The following MTCL2 variants were observed in gnomAD, a reference collection of about 807,000 sequenced individuals.
The protein encoded by MTCL2 is microtubule cross-linking factor 2.
chr20:36,840,419 C>T, the MTCL2 span, among the ~76,000 whole-genome samples: 975 of 151,554 alleles, frequency 6.4e-3, 9 homozygotes, highest in African/African-American at 0.022. Flanking sequence ...CAGCCTGCCT[C>T]GGCCTCCCAA....
At chr20:36,810,717 CCTCTCTCTCTCTCTCT>C in the MTCL2 span, among the ~76,000 whole-genome samples, 2 of 94,194 alleles carry the variant, frequency 2.1e-5, no homozygotes, top group African/African-American at 8.1e-5. Context: ...TCTCTCTCTC[CCTCTCTCTCTCTCTCT>C]CTCTCTCTCT....
chr20:36,807,217 G>C, the MTCL2 span, among the ~76,000 whole-genome samples: 2 of 152,176 alleles, frequency 1.3e-5, no homozygotes, highest in African/African-American at 4.8e-5. Flanking sequence ...CGAGAATGAT[G>C]AGCCCCACTG....
the MTCL2 span, among the ~76,000 whole-genome samples, chr20:36,851,404 G>T: frequency 2.6e-5 from 4 of 152,146 alleles, no homozygotes; most frequent in African/African-American, 9.7e-5. Flanking sequence ...GCCCTGCCTG[G>T]CCTAAGCCCC....
the MTCL2 span, chr20:36,815,640 A>C: frequency 6.2e-7 from 1 of 1,606,294 alleles, no homozygotes; most frequent in Admixed American, 1.7e-5. This position sits in a 1 kb window ranked among gnomAD's most constrained non-coding sequence, Gnocchi z 5.3. Flanking sequence ...ACAGCGCTGG[A>C]GGTTGGAGAG....
chr20:36,862,618 G>T, the MTCL2 span: 1 of 1,462,536 alleles, frequency 6.8e-7, no homozygotes, highest in Non-Finnish European at 9.0e-7. Context: ...GTGACAGCCG[G>T]CGACCCCTGC....
the MTCL2 span, among the ~76,000 whole-genome samples, chr20:36,850,675 C>T: frequency 6.6e-6 from 1 of 152,244 alleles, no homozygotes; most frequent in Non-Finnish European, 1.5e-5. Context: ...ATGATGGTCA[C>T]TCTGCTCCCA....
chr20:36,784,825 T>G, the MTCL2 span: 2 of 985,358 alleles, frequency 2.0e-6, no homozygotes, highest in Admixed American at 1.2e-4. Context: ...GGCAGGCTGG[T>G]GAGAACCGAG....
At chr20:36,848,981 T>G in the MTCL2 span, among the ~76,000 whole-genome samples, 4 of 151,440 alleles carry the variant, frequency 2.6e-5, no homozygotes, top group African/African-American at 9.7e-5. Flanking sequence ...CACCAGAATT[T>G]ATGAGTTAAT....
At chr20:36,792,561 C>T in the MTCL2 span, among the ~76,000 whole-genome samples, 1 of 151,244 alleles carries the variant, frequency 6.6e-6, no homozygotes, top group Admixed American at 6.6e-5. Context: ...TGACAATTGG[C>T]TCCTGCAAGC....
the MTCL2 span, among the ~76,000 whole-genome samples, chr20:36,818,263 G>A: frequency 6.6e-6 from 1 of 152,220 alleles, no homozygotes; most frequent in African/African-American, 2.4e-5. Context: ...AATTCAGAAT[G>A]AATACTAATG....
the MTCL2 span, among the ~76,000 whole-genome samples, chr20:36,852,287 TGGGCCACTCGTCTCCTGCCCGGGCCC>T: frequency 0.034 from 5,195 of 152,202 alleles, 173 homozygotes; most frequent in South Asian, 0.15. Flanking sequence ...ACCCTGGCTC[TGGGCCACTCGTCTCCTGCCCGGGCCC>T]GGGCCACTCA....
At chr20:36,835,000 A>T in the MTCL2 span, among the ~76,000 whole-genome samples, 1 of 152,128 alleles carries the variant, frequency 6.6e-6, no homozygotes, top group Admixed American at 6.5e-5. Flanking sequence ...GCCTTAAAAA[A>T]AAAAAGAAAA....
At chr20:36,863,046 C>T in the MTCL2 span, 1 of 1,406,274 alleles carries the variant, frequency 7.1e-7, no homozygotes, top group South Asian at 1.4e-5. The surrounding 1 kb of genome is among the most constrained non-coding windows in gnomAD (Gnocchi z 6.2). Flanking sequence ...CGAGCGCGGA[C>T]GGCCCTTGGC....
the MTCL2 span, chr20:36,779,698 T>C: frequency 2.0e-5 from 3 of 151,244 alleles, no homozygotes; most frequent in Non-Finnish European, 2.9e-5. Flanking sequence ...AATATCAGAG[T>C]TGGGAAACCA....
the MTCL2 span, among the ~76,000 whole-genome samples, chr20:36,851,002 CG>C: frequency 9.2e-5 from 14 of 151,920 alleles, no homozygotes; most frequent in Non-Finnish European, 1.8e-4. Context: ...ACTCTGGAAA[CG>C]GCAAGGCTCT....
At chr20:36,803,257 C>G in the MTCL2 span, 2 of 1,143,740 alleles carry the variant, frequency 1.7e-6, no homozygotes, top group Non-Finnish European at 2.4e-6. Context: ...TAGTCCTCCC[C>G]ACTCAGAACT....
the MTCL2 span, chr20:36,804,699 G>A: frequency 3.7e-6 from 6 of 1,604,640 alleles, no homozygotes; most frequent in East Asian, 1.3e-4. Flanking sequence ...TTGGCTGAGA[G>A]TAAGGGGAGA....
At chr20:36,811,507 T>C in the MTCL2 span, among the ~76,000 whole-genome samples, 1 of 151,990 alleles carries the variant, frequency 6.6e-6, no homozygotes. Context: ...CGCACGCCTA[T>C]AGTCCCACCT....
At chr20:36,828,453 CAGG>C in the MTCL2 span, 1 of 152,700 alleles carries the variant, frequency 6.5e-6, no homozygotes, top group African/African-American at 2.4e-5. Context: ...CAACACACAA[CAGG>C]AGGAGAAGGT....
Sources: allele counts gnomAD v4.1 joint callset (sites outside exome capture counted in the v4.1 genomes callset), GRCh38; gene constraint gnomAD v4.1.1; non-coding constraint Gnocchi (gnomAD v3.1); transcripts MANE v1.5; gene names NCBI Gene and HGNC (gene_info 2026-07-23, HGNC 2026-07-21).